Variants in DMD observed in about 807,000 individuals in gnomAD.
DMD encodes dystrophin.
Under a neutral mutation model 330.1 loss-of-function variants are expected in DMD, and 63 were observed. That is an observed-to-expected ratio of 0.19 (90% CI 0.16 to 0.24). The LOEUF (loss-of-function observed/expected upper bound fraction) is 0.24. Among genes scored for constraint, DMD ranks in the 10% least tolerant of loss-of-function variants. The pLI is 1.00. For missense variants in DMD, 3,344 were observed against 2,684.1 expected (o/e 1.25, Z -5.43); for synonymous variants, 1,223 against 959.8 (o/e 1.27, Z -5.07).
intron 4 of DMD, among the ~76,000 whole-genome samples, chrX:32,835,877 T>C (rs1440687322): frequency 9.0e-6 from 1 of 111,408 alleles, no homozygotes; most frequent in East Asian, 2.8e-4. Flanking sequence ...ACACTTCTAA[T>C]ATTCCTTTAA....
At chrX:31,497,038 T>C in intron 56 of DMD, 94 bp from the exon 57 acceptor site, 2 of 1,048,735 alleles carry the variant, frequency 1.9e-6, no homozygotes, top group Non-Finnish European at 2.6e-6. Flanking sequence ...AAACCTATTG[T>C]GAACTACAAA....
At chrX:32,045,381 CT>C (rs1202236034) in intron 44 of DMD, among the ~76,000 whole-genome samples, 1 of 104,121 alleles carries the variant, frequency 9.6e-6, no homozygotes, top group African/African-American at 3.5e-5. Flanking sequence ...CAACCTCCCC[CT>C]GGCTTCTGCT....
intron 44 of DMD, among the ~76,000 whole-genome samples, chrX:31,978,114 A>G (rs1481137075): frequency 1.8e-5 from 2 of 111,911 alleles, no homozygotes; most frequent in African/African-American, 6.5e-5. Context: ...CTTCCTTCTT[A>G]GGCTACCACG....
At chrX:32,540,693 GTAA>G (rs967759635) in intron 17 of DMD, among the ~76,000 whole-genome samples, 2 of 112,057 alleles carry the variant, frequency 1.8e-5, no homozygotes, top group Non-Finnish European at 3.8e-5. Context: ...ATAAAGAAGT[GTAA>G]TAATAGGCTT....
chrX:33,145,875 TTTC>T (rs779797809), intron 1 of DMD, among the ~76,000 whole-genome samples: 2 of 110,028 alleles, frequency 1.8e-5, no homozygotes, highest in Admixed American at 2.0e-4. Context: ...CTGTCACCAC[TTTC>T]TTTTTTCCTT....
At chrX:32,638,820 T>A (rs1216909717) in intron 11 of DMD, among the ~76,000 whole-genome samples, 1 of 111,422 alleles carries the variant, frequency 9.0e-6, no homozygotes, top group Non-Finnish European at 1.9e-5. Context: ...AACCCACTCA[T>A]TTGTTCAGCA....
intron 44 of DMD, among the ~76,000 whole-genome samples, chrX:32,006,823 T>C (rs1186971730): frequency 9.1e-6 from 1 of 109,739 alleles, no homozygotes; most frequent in East Asian, 2.9e-4. Flanking sequence ...AACCCAAATG[T>C]CCAACAATGA....
At chrX:32,606,491 C>A (rs1415836853) in intron 12 of DMD, among the ~76,000 whole-genome samples, 1 of 109,536 alleles carries the variant, frequency 9.1e-6, no homozygotes, top group South Asian at 3.9e-4. Flanking sequence ...TTATGTAAAA[C>A]AGTATGGAGA....
rs200977573 is a variant in DMD at position 32,939,822 on chromosome X, A to AGACCTAGAAATACTTTAAACTAAG, written c.93+80316_93+80317insCTTAGTTTAAAGTATTTCTAGGTC. 0.01 allele frequency among the ~76,000 whole-genome samples: 1,130 copies of AGACCTAGAAATACTTTAAACTAAG among 111,465 alleles called. 47 individuals are homozygous for AGACCTAGAAATACTTTAAACTAAG. The East Asian group carries it at 0.17, about 16-fold the overall frequency. ...ATTTATAATAGCCATAAAAAATAAA[A>AGACCTAGAAATACTTTAAACTAAG]GAGGTGAATGATCTCTATGAGAAGA... On this transcript the variant is annotated intron_variant, in intron 2 of 78. Transcript: ENST00000357033.
At chrX:31,764,501 C>T (rs2089858057) in intron 51 of DMD, among the ~76,000 whole-genome samples, 1 of 111,679 alleles carries the variant, frequency 9.0e-6, no homozygotes, top group Non-Finnish European at 1.9e-5. Flanking sequence ...CTACTTCTTT[C>T]ACATTTAGGG....
intron 43 of DMD, among the ~76,000 whole-genome samples, chrX:32,253,705 C>T (rs1387292123): frequency 9.4e-6 from 1 of 106,894 alleles, no homozygotes; most frequent in Admixed American, 1.0e-4. Context: ...CTCACTGCAA[C>T]CTCCGCCTGC....
At chrX:31,430,799 T>TTTC (rs1320695338) in intron 60 of DMD, among the ~76,000 whole-genome samples, 3 of 84,102 alleles carry the variant, frequency 3.6e-5, no homozygotes, top group African/African-American at 1.4e-4. Context: ...AGGTCTTTTT[T>TTTC]TTTTTTTTTT....
intron 13 of DMD, among the ~76,000 whole-genome samples, chrX:32,592,050 C>A (rs763268199): frequency 1.6e-4 from 18 of 112,002 alleles, no homozygotes; most frequent in South Asian, 3.7e-4. Context: ...TGAGTGGGGA[C>A]TGAGGATGGT....
At chrX:31,193,072 T>C (rs1319662450) in intron 67 of DMD, among the ~76,000 whole-genome samples, 4 of 111,869 alleles carry the variant, frequency 3.6e-5, no homozygotes, top group Non-Finnish European at 7.5e-5. Context: ...CTCGTACCAT[T>C]AGATGCTACG....
intron 1 of DMD, among the ~76,000 whole-genome samples, chrX:33,266,482 G>A (rs1305287573): frequency 4.5e-5 from 5 of 111,536 alleles, no homozygotes; most frequent in African/African-American, 1.6e-4. Context: ...TCAAATAGGA[G>A]TTAAAGATTT....
chrX:31,494,435 G>A (rs994610640), intron 57 of DMD, among the ~76,000 whole-genome samples: 1 of 111,578 alleles, frequency 9.0e-6, no homozygotes, highest in Non-Finnish European at 1.9e-5. Context: ...AATATGGAAG[G>A]GCAGAGGAAC....
intron 44 of DMD, among the ~76,000 whole-genome samples, chrX:32,037,320 C>T (rs908932624): frequency 6.3e-5 from 7 of 111,610 alleles, no homozygotes; most frequent in Admixed American, 5.7e-4. Flanking sequence ...AGTGTTAACA[C>T]AAAATATTTT....
intron 55 of DMD, among the ~76,000 whole-genome samples, chrX:31,591,817 G>A (rs185157049): frequency 2.7e-5 from 3 of 111,083 alleles, no homozygotes; most frequent in Admixed American, 9.6e-5. Context: ...GAAGTTAAGA[G>A]CAAAGTAGAC....
intron 60 of DMD, among the ~76,000 whole-genome samples, chrX:31,418,939 C>CT (rs1169417380): frequency 1.8e-5 from 2 of 109,550 alleles, no homozygotes; most frequent in Admixed American, 9.7e-5. Flanking sequence ...ACTAGACATT[C>CT]TTTTTTTTTG....
Sources: gnomAD v4.1 joint callset for allele counts (sites outside exome capture counted in the v4.1 genomes callset) on GRCh38, gnomAD v4.1.1 for gene constraint, MANE v1.5 for transcripts, NCBI Gene and HGNC (gene_info 2026-07-23, HGNC 2026-07-21) for gene names.